Variants in UGT2A2 observed in about 807,000 individuals in gnomAD.
UGT2A2 encodes UDP-glucuronosyltransferase 2A2.
A neutral mutation model predicts 50.7 loss-of-function variants in UGT2A2; 60 were observed. That is an observed-to-expected ratio of 1.18 (90% CI 0.96 to 1.47). UGT2A2 has a LOEUF of 1.47. UGT2A2 is among the 40% of genes most tolerant of loss of function. The pLI is 0.00. For synonymous variants in UGT2A2, 242 were observed against 214.6 expected (o/e 1.13, Z -1.11); for missense variants, 762 against 634.0 (o/e 1.20, Z -2.17).
At chr4:69,615,787 G>A (rs1720343854) in intron 1 of UGT2A2, among the ~76,000 whole-genome samples, 1 of 152,000 alleles carries the variant, frequency 6.6e-6, no homozygotes, top group African/African-American at 2.4e-5. Context: ...TGGAAAAAGG[G>A]AACCCTTGTG....
At chr4:69,593,385 T>C (rs1252452841) in intron 5 of UGT2A2, among the ~76,000 whole-genome samples, 6 of 151,892 alleles carry the variant, frequency 4.0e-5, no homozygotes, top group Non-Finnish European at 7.4e-5. Flanking sequence ...GAAATAGAGA[T>C]ACATTTCAAA....
chr4:69,608,679 CA>C (rs755242626), intron 1 of UGT2A2, among the ~76,000 whole-genome samples: 1 of 151,846 alleles, frequency 6.6e-6, no homozygotes, highest in Non-Finnish European at 1.5e-5. Context: ...AAAATACACA[CA>C]AAAAATAATT....
intron 1 of UGT2A2, among the ~76,000 whole-genome samples, chr4:69,636,649 TA>T: frequency 6.6e-6 from 1 of 152,156 alleles, no homozygotes. Context: ...AGAAACCATT[TA>T]TTTTTTGTAG....
chr4:69,594,340 A>C, intron 5 of UGT2A2, 137 bp downstream of exon 5: 1 of 1,211,704 alleles, frequency 8.3e-7, no homozygotes, highest in Middle Eastern at 2.8e-4. Context: ...AGTTTGGCAA[A>C]TAAAATAGTT....
At chr4:69,594,888 G>T (rs559282061) in intron 4 of UGT2A2, among the ~76,000 whole-genome samples, 192 bp from the exon 5 acceptor site, 11 of 152,276 alleles carry the variant, frequency 7.2e-5, no homozygotes, top group African/African-American at 2.4e-4. Flanking sequence ...AACAGCATTT[G>T]CATTTTCTGG....
intron 1 of UGT2A2, among the ~76,000 whole-genome samples, chr4:69,629,694 T>A (rs574501576): frequency 6.6e-6 from 1 of 152,228 alleles, no homozygotes; most frequent in East Asian, 1.9e-4. Context: ...ACAACTCTAC[T>A]GGAAGAGGAC....
Position 69,594,521 on chromosome 4 carries a change from A to G in UGT2A2, c.1287T>C (p.Ser429=). The G allele has an allele frequency of 6.8e-6, 11 of 1,614,120 alleles. No individual in the cohort carries two copies. Among genetic ancestry groups the G allele is most frequent in the African/African-American group, 1.3e-5 (1 of 75,030 alleles). Residue 429 remains serine (S), a synonymous_variant, in exon 5 of 6, where the codon AGT becomes AGC. Coordinates refer to ENST00000604629, the MANE Select transcript of UGT2A2 (RefSeq NM_001105677.2). ...TTCTCAAAGCGCTAAGCAAATCCAC[A>G]CTTGTCATTGTGTTTAGGTTCACTT... ...AVEVNLNTMT[S]VDLLSALRTV... is the part of the protein sequence containing the mutation.
At chr4:69,618,205 G>A (rs1315813883) in intron 1 of UGT2A2, among the ~76,000 whole-genome samples, 5 of 87,984 alleles carry the variant, frequency 5.7e-5, no homozygotes, top group African/African-American at 1.8e-4. Context: ...GTGTGTGTGT[G>A]TGTGTGTGTG....
chr4:69,618,217 A>G (rs75876192), intron 1 of UGT2A2, among the ~76,000 whole-genome samples: 46,742 of 97,192 alleles, frequency 0.48, 7,814 homozygotes, highest in Middle Eastern at 0.52. Context: ...GTGTGTGTGT[A>G]TGTTTGTGTG....
intron 1 of UGT2A2, among the ~76,000 whole-genome samples, chr4:69,609,795 A>G (rs1026437790): frequency 2.6e-5 from 4 of 152,198 alleles, no homozygotes; most frequent in African/African-American, 9.6e-5. Context: ...TGTTCACTGC[A>G]TTCCACAAAA....
At chr4:69,634,698 T>C (rs1429350831) in intron 1 of UGT2A2, among the ~76,000 whole-genome samples, 3 of 152,098 alleles carry the variant, frequency 2.0e-5, no homozygotes, top group Non-Finnish European at 4.4e-5. Flanking sequence ...CAGAAAAACA[T>C]TTGATAAAAT....
chr4:69,589,248 G>A lies in UGT2A2; in HGVS notation c.*124C>T. 7.9e-7 allele frequency: 1 copy of A among 1,264,610 alleles called. No individual in the cohort carries two copies. The highest frequency in any genetic ancestry group is 1.5e-5 in the African/African-American group (1 of 66,542). The allele number at this position is 1,264,610 out of a possible 1,614,324, so 78.3% of individuals were successfully genotyped here. ...TAGGCTTATCGCAGGTAGAGAAATAGAAAATTTGGAAACAGGATGGGAGAC... is the reference window on the plus strand; with the variant it reads ...TAGGCTTATCGCAGGTAGAGAAATAAAAAATTTGGAAACAGGATGGGAGAC... On this transcript the variant is annotated 3_prime_UTR_variant, in exon 6 of 6. Coordinates refer to ENST00000604629, the MANE Select transcript of UGT2A2 (RefSeq NM_001105677.2).
At position 69,607,248 on chromosome 4, in the gene UGT2A2, C is replaced by T. The variant is rs1347247502; in HGVS notation, c.743-7854G>A. ...AAAGACCAATGGAACAGAACAGAGCCCTCAGAAATAATGCTGCGTATCTAC... is the reference window on the plus strand; with the variant it reads ...AAAGACCAATGGAACAGAACAGAGCTCTCAGAAATAATGCTGCGTATCTAC... On this transcript the variant is annotated intron_variant, in intron 1 of 5. Transcript: ENST00000604629. 7.9e-3 allele frequency among the ~76,000 whole-genome samples: 1,176 copies of T among 148,732 alleles called. 13 individuals carry two copies. Among genetic ancestry groups the T allele is most frequent in the African/African-American group, 0.027 (1,069 of 39,384 alleles).
intron 1 of UGT2A2, among the ~76,000 whole-genome samples, chr4:69,614,350 T>C (rs1395588870): frequency 6.6e-6 from 1 of 152,004 alleles, no homozygotes; most frequent in Non-Finnish European, 1.5e-5. Context: ...ATGTTTTCTG[T>C]TCATAGAATA....
chr4:69,622,164 AT>A (rs1208741429), intron 1 of UGT2A2, among the ~76,000 whole-genome samples: 5 of 151,826 alleles, frequency 3.3e-5, no homozygotes, highest in Non-Finnish European at 7.4e-5. Flanking sequence ...AAAGGTTTTT[AT>A]TTTTTTAAAT....
Position 69,613,900 on chromosome 4 carries a change from C to A in UGT2A2, c.743-14506G>T, listed in dbSNP as rs147123669. Among the ~76,000 whole-genome samples, 668 of 152,132 alleles carry A rather than the reference C, an allele frequency of 4.4e-3. 7 individuals carry two copies. Among genetic ancestry groups the A allele is most frequent in the African/African-American group, 0.015 (612 of 41,550 alleles). On this transcript the variant is annotated intron_variant, in intron 1 of 5. Transcript: ENST00000604629. ...GAATGAGTACAAATTGAAAGCCTTT[C>A]TTCTAAGATCTGGAAGAAGAGTAGG...
At chr4:69,618,658 T>G (rs1720557690) in intron 1 of UGT2A2, among the ~76,000 whole-genome samples, 2 of 152,004 alleles carry the variant, frequency 1.3e-5, no homozygotes, top group Non-Finnish European at 2.9e-5. Context: ...TCTTTATGCT[T>G]TTCAGATTCA....
In UGT2A2 at chr4:69,607,602, G is replaced by C. The variant is rs1422705934; in HGVS notation, c.743-8208C>G. On this transcript the variant is annotated intron_variant, in intron 1 of 5. Coordinates refer to ENST00000604629, the MANE Select transcript of UGT2A2 (RefSeq NM_001105677.2). Reference sequence around the variant, plus strand: ...ATTAAACTAAAGAGCTTCTGCACAGGAAAAGAAACTACCATCAGAGTGAAC... The same window carrying C: ...ATTAAACTAAAGAGCTTCTGCACAGCAAAAGAAACTACCATCAGAGTGAAC... Among the ~76,000 whole-genome samples, 124 of 150,884 alleles carry C rather than the reference G, an allele frequency of 8.2e-4. 1 individual carries two copies. Among genetic ancestry groups the C allele is most frequent in the African/African-American group, 2.7e-3 (110 of 41,296 alleles).
Position 69,595,260 on chromosome 4 carries a change from T to C in UGT2A2, c.1024-11A>G. ...GTATCTCCATAAAACCTGTGGAAAA[T>C]GGTGCTTTAATTTTGCAAGGAAAAA... On this transcript the variant is annotated splice_polypyrimidine_tract_variant and intron_variant, in intron 3 of 5. Transcript: ENST00000604629. The C allele has an allele frequency of 1.2e-6, 2 of 1,613,278 alleles. No individual in the cohort carries two copies. The highest frequency in any genetic ancestry group is 1.7e-6 in the Non-Finnish European group (2 of 1,179,714).
Sources: gnomAD v4.1 joint callset for allele counts (sites outside exome capture counted in the v4.1 genomes callset) on GRCh38, gnomAD v4.1.1 for gene constraint, MANE v1.5 for transcripts, NCBI Gene and HGNC (gene_info 2026-07-23, HGNC 2026-07-21) for gene names.